PSMG2: variants seen among roughly 807,000 people sequenced by gnomAD.
The protein encoded by PSMG2 is CD40 ligand-activated specific transcript 3.
Under a neutral mutation model 31.5 loss-of-function variants are expected in PSMG2, and 21 were observed. The observed-to-expected ratio is 0.67, with a 90% CI of 0.47 to 0.96. PSMG2 has a LOEUF of 0.96. PSMG2 is among the 40% of genes least tolerant of loss of function. The probability of loss-of-function intolerance (pLI) is 0.00; values close to 1 mark genes in which losing one functional copy is unlikely to be tolerated. For missense variants in PSMG2, 318 were observed against 321.2 expected, an observed-to-expected ratio of 0.99 and a Z score of 0.08; for synonymous variants, 120 against 110.4, an observed-to-expected ratio of 1.09 and a Z score of -0.54.
chr18:12,718,918 A>G (rs2040403629), intron 4 of PSMG2, among the ~76,000 whole-genome samples: 1 of 152,230 alleles, frequency 6.6e-6, no homozygotes, highest in Non-Finnish European at 1.5e-5. Flanking sequence ...ACATGGCAAC[A>G]TCACAGAGCT....
chr18:12,688,741 A>G (rs2039636412), intron 1 of PSMG2, among the ~76,000 whole-genome samples: 1 of 152,210 alleles, frequency 6.6e-6, no homozygotes, highest in African/African-American at 2.4e-5. Flanking sequence ...TTTAGTCATA[A>G]TAGCCACATT....
At chr18:12,699,844 G>A (rs544249290), upstream of PSMG2, 70 of 1,567,690 alleles carry the variant, frequency 4.5e-5, no homozygotes, top group Non-Finnish European at 5.2e-5. Context: ...TTTTAATGTC[G>A]ATTGTCTATC....
At chr18:12,724,709 G>A (rs1410212067) in intron 6 of PSMG2, 90 bp downstream of exon 6, 2 of 1,248,024 alleles carry the variant, frequency 1.6e-6, no homozygotes, top group East Asian at 2.8e-5. Context: ...CCAAGTAAGT[G>A]AACGTTTGTA....
Position 12,725,714 on chromosome 18 carries a change from T to C in PSMG2, c.*183T>C. On this transcript the variant is annotated 3_prime_UTR_variant, in exon 7 of 7. Transcript: ENST00000317615. ...TCATATGCACCAAATGTAAATTTTG[T>C]ACAATAAAATTTTATTTCCTAAGTA... 1 of 431,686 alleles carries C rather than the reference T, an allele frequency of 2.3e-6. No homozygotes were observed. Among genetic ancestry groups the C allele is most frequent in the Non-Finnish European group, 4.0e-6 (1 of 247,346 alleles). 26.7% of individuals were successfully genotyped at this position (431,686 alleles called of 1,614,324 possible).
intron 1 of PSMG2, among the ~76,000 whole-genome samples, chr18:12,677,909 G>A (rs992145298): frequency 3.3e-5 from 5 of 152,156 alleles, no homozygotes; most frequent in Admixed American, 1.3e-4. Context: ...CATTCTATAA[G>A]TATTAATTAA....
At chr18:12,701,159 C>G (rs1455607535), upstream of PSMG2, 1 of 1,435,786 alleles carries the variant, frequency 7.0e-7, no homozygotes, top group Admixed American at 1.9e-5. Context: ...ACAAAGCAGT[C>G]AAATACTGCT....
chr18:12,662,358 TAC>T, intron 1 of PSMG2, among the ~76,000 whole-genome samples: 1 of 152,154 alleles, frequency 6.6e-6, no homozygotes, highest in East Asian at 1.9e-4. Flanking sequence ...GAAGAGAAAA[TAC>T]AGTCATAGGA....
intron 1 of PSMG2, chr18:12,692,079 G>C (rs879386043): frequency 6.6e-6 from 1 of 152,096 alleles, no homozygotes; most frequent in Non-Finnish European, 1.5e-5. Flanking sequence ...ATTTTGGGAG[G>C]CCAAGGCAGG....
At chr18:12,686,298 C>T in intron 1 of PSMG2, 1 of 1,614,102 alleles carries the variant, frequency 6.2e-7, no homozygotes, top group Non-Finnish European at 8.5e-7. Flanking sequence ...GAGTGCACCA[C>T]TGCTCCTGTT....
intron 1 of PSMG2, among the ~76,000 whole-genome samples, chr18:12,660,613 G>A (rs1221870157): frequency 6.6e-6 from 1 of 152,108 alleles, no homozygotes; most frequent in East Asian, 1.9e-4. Context: ...GAGCCACTGT[G>A]CCCGGCCAAA....
At chr18:12,677,282 A>T (rs977925005) in intron 1 of PSMG2, among the ~76,000 whole-genome samples, 3 of 151,940 alleles carry the variant, frequency 2.0e-5, no homozygotes, top group Non-Finnish European at 4.4e-5. Flanking sequence ...TCTACAAAAA[A>T]TACAAAAACT....
At chr18:12,698,953 A>C, upstream of PSMG2, 1 of 1,461,736 alleles carries the variant, frequency 6.8e-7, no homozygotes. Flanking sequence ...TACTCAATTA[A>C]ATGACAATTT....
intron 2 of PSMG2, among the ~76,000 whole-genome samples, chr18:12,708,777 C>T (rs997647433): frequency 7.0e-6 from 1 of 143,570 alleles, no homozygotes; most frequent in African/African-American, 2.6e-5. Flanking sequence ...ACAATCTCGG[C>T]TCACTGCCAC....
intron 1 of PSMG2, among the ~76,000 whole-genome samples, chr18:12,671,908 C>T (rs2038957412): frequency 6.6e-6 from 1 of 152,240 alleles, no homozygotes; most frequent in Middle Eastern, 3.4e-3. Context: ...ACAACCTCCG[C>T]CTCCCAGGTT....
In PSMG2 at chr18:12,703,293, G is replaced by C. The variant is rs112464978; in HGVS notation, c.57+129G>C. 16 of 1,113,300 alleles carry C rather than the reference G, an allele frequency of 1.4e-5. No homozygotes were observed. In the African/African-American group the frequency reaches 1.4e-4, roughly 10 times the overall value. 69.0% of individuals were successfully genotyped at this position (1,113,300 alleles called of 1,614,324 possible). On this transcript the variant is annotated intron_variant, in intron 1 of 6. Transcript: ENST00000317615. ...AGTTTCTATTTCATGTTTTCGGCCG[G>C]AAAAAACAGGGAGGTTGTAGCCGGA...
At chr18:12,662,821 G>A (rs1444026967) in intron 1 of PSMG2, among the ~76,000 whole-genome samples, 1 of 152,154 alleles carries the variant, frequency 6.6e-6, no homozygotes. Flanking sequence ...AGAGGATTGA[G>A]ATAAAATGTG....
intron 5 of PSMG2, among the ~76,000 whole-genome samples, chr18:12,720,974 A>G (rs1274905702): frequency 6.6e-6 from 1 of 152,168 alleles, no homozygotes; most frequent in Non-Finnish European, 1.5e-5. Flanking sequence ...AGACCAGGAG[A>G]TCGAGACCAT....
rs374085780 is a variant in PSMG2, at chr18:12,695,217, C to G, written c.-36-11333C>G. Reference sequence around the variant, plus strand: ...ACAGGTAAATATACTACTATGAAAACAAACACACAAAAAAAGAGAAACTCA... The same window carrying G: ...ACAGGTAAATATACTACTATGAAAAGAAACACACAAAAAAAGAGAAACTCA... On this transcript the variant is annotated intron_variant, in intron 1 of 6. Coordinates refer to the PSMG2 transcript ENST00000585331. The G allele has an allele frequency of 1.3e-5, 12 of 941,390 alleles. No homozygotes were observed. In the African/African-American group the frequency reaches 1.5e-4, roughly 12 times the overall value. The allele number at this position is 941,390 out of a possible 1,614,324, so 58.3% of individuals were successfully genotyped here.
chr18:12,703,004 C>A, upstream of PSMG2: 1 of 1,355,896 alleles, frequency 7.4e-7, no homozygotes, highest in Non-Finnish European at 1.0e-6. Context: ...TCAAAGGACC[C>A]TCCCGCGCCC....
Sources: allele counts gnomAD v4.1 joint callset (sites outside exome capture counted in the v4.1 genomes callset), GRCh38; gene constraint gnomAD v4.1.1; transcripts MANE v1.5; gene names NCBI Gene and HGNC (gene_info 2026-07-23, HGNC 2026-07-21).